SORCS1: variants seen among roughly 807,000 people sequenced by gnomAD.
The protein encoded by SORCS1 is sortilin related VPS10 domain containing receptor 1.
SORCS1 carries 60 observed loss-of-function variants against 146.1 expected under a neutral mutation model. That is an observed-to-expected ratio of 0.41 (90% CI 0.33 to 0.51). The LOEUF (loss-of-function observed/expected upper bound fraction) is 0.51, where lower values mean the gene tolerates loss of function less well. SORCS1 is among the 20% of genes least tolerant of loss of function. The pLI, the probability that SORCS1 is intolerant of heterozygous loss-of-function variation, is 0.21. For missense variants in SORCS1, 1,352 were observed against 1,487.6 expected (o/e 0.91, Z 1.50); for synonymous variants, 637 against 584.0 (o/e 1.09, Z -1.31).
At chr10:106,694,253 G>A (rs1853523952) in intron 9 of SORCS1, among the ~76,000 whole-genome samples, 2 of 152,088 alleles carry the variant, frequency 1.3e-5, no homozygotes, top group Admixed American at 1.3e-4. Context: ...TGAAATAATA[G>A]TACATTCTTT....
chr10:106,994,098 A>C (rs916317134), intron 1 of SORCS1, among the ~76,000 whole-genome samples: 11 of 150,876 alleles, frequency 7.3e-5, no homozygotes, highest in African/African-American at 2.7e-4. Context: ...GAAAATGAGA[A>C]GCAAACAAAT....
intron 1 of SORCS1, among the ~76,000 whole-genome samples, chr10:107,080,331 C>T (rs1163970747): frequency 6.6e-6 from 1 of 152,154 alleles, no homozygotes; most frequent in Non-Finnish European, 1.5e-5. Context: ...CTGTCTGCAA[C>T]CTATAGGCAA....
intron 10 of SORCS1, among the ~76,000 whole-genome samples, chr10:106,681,818 C>T (rs821927): frequency 0.79 from 120,550 of 152,148 alleles, 50,430 homozygotes; most frequent in Non-Finnish European, 0.94. Flanking sequence ...TGGTAAGGGG[C>T]AGTTGCCATT....
intron 1 of SORCS1, among the ~76,000 whole-genome samples, chr10:107,092,464 G>T (rs952574355): frequency 3.3e-5 from 5 of 152,194 alleles, no homozygotes. Flanking sequence ...ACACACTTAA[G>T]TGCTGAATGC....
chr10:106,602,594 C>T (rs923503524), intron 23 of SORCS1, among the ~76,000 whole-genome samples: 1 of 150,916 alleles, frequency 6.6e-6, no homozygotes, highest in African/African-American at 2.4e-5. Context: ...CCTAAGGGGT[C>T]TCCTGGATAA....
chr10:106,734,801 C>A lies in SORCS1; in HGVS notation c.960-4687G>T, dbSNP rs188904870. The stretch of plus-strand genomic sequence containing the variant: ...GAAATACAGTTAATTTATTTCTTCT[C>A]TTTTTCCCCCTTTTTATTTCAAGAA... On this transcript the variant is annotated intron_variant, in intron 5 of 25. Coordinates refer to ENST00000263054, the MANE Select transcript of SORCS1 (RefSeq NM_052918.5). Among the ~76,000 whole-genome samples, 8 of 152,254 alleles carry A rather than the reference C, an allele frequency of 5.3e-5. No individual in the cohort carries two copies. In the East Asian group the frequency reaches 1.2e-3, roughly 22 times the overall value.
chr10:106,949,412 G>C (rs1954556134), intron 2 of SORCS1, among the ~76,000 whole-genome samples: 1 of 152,132 alleles, frequency 6.6e-6, no homozygotes, highest in African/African-American at 2.4e-5. Context: ...CTCACTCACA[G>C]GGCTTGCAGA....
intron 18 of SORCS1, among the ~76,000 whole-genome samples, chr10:106,630,458 T>C (rs555957710): frequency 6.6e-6 from 1 of 152,292 alleles, no homozygotes; most frequent in Non-Finnish European, 1.5e-5. Context: ...CCTGGTATTC[T>C]AACTCACCTT....
intron 2 of SORCS1, among the ~76,000 whole-genome samples, chr10:106,920,194 A>G (rs926632576): frequency 6.6e-6 from 1 of 152,182 alleles, no homozygotes; most frequent in Non-Finnish European, 1.5e-5. Flanking sequence ...GCAGGGAGCC[A>G]CCGCCCACCC....
intron 18 of SORCS1, among the ~76,000 whole-genome samples, chr10:106,638,331 A>G (rs1046012646): frequency 6.6e-6 from 1 of 152,206 alleles, no homozygotes; most frequent in Non-Finnish European, 1.5e-5. Context: ...ATAAATCTCT[A>G]TAGAACCAGG....
At chr10:106,753,425 A>G (rs1858404948) in intron 5 of SORCS1, among the ~76,000 whole-genome samples, 1 of 152,134 alleles carries the variant, frequency 6.6e-6, no homozygotes, top group Non-Finnish European at 1.5e-5. Context: ...GTGTGTATAT[A>G]ACAAACTATC....
intron 2 of SORCS1, among the ~76,000 whole-genome samples, chr10:106,843,623 G>C (rs760300293): frequency 1.4e-4 from 22 of 151,982 alleles, no homozygotes; most frequent in Non-Finnish European, 2.9e-4. Flanking sequence ...TTTTAGTAGA[G>C]ACGGGATTTC....
chr10:106,989,680 GTTTTTTTT>G (rs761689988), intron 1 of SORCS1, among the ~76,000 whole-genome samples: 5 of 70,360 alleles, frequency 7.1e-5, no homozygotes, highest in Admixed American at 1.3e-4. Flanking sequence ...GTTTTTTTTT[GTTTTTTTT>G]TTTTTTTTTT....
At chr10:106,730,454 C>T (rs1856515242) in intron 5 of SORCS1, among the ~76,000 whole-genome samples, 1 of 152,204 alleles carries the variant, frequency 6.6e-6, no homozygotes, top group Admixed American at 6.5e-5. Flanking sequence ...ACTTATTAGG[C>T]AGGCATGCTG....
At chr10:106,973,976 G>A (rs1432281545) in intron 1 of SORCS1, among the ~76,000 whole-genome samples, 1 of 152,180 alleles carries the variant, frequency 6.6e-6, no homozygotes, top group African/African-American at 2.4e-5. Context: ...TGCAAAACAG[G>A]AATTTGTTTG....
intron 1 of SORCS1, among the ~76,000 whole-genome samples, chr10:107,085,819 A>G (rs562091335): frequency 6.6e-6 from 1 of 152,330 alleles, no homozygotes; most frequent in South Asian, 2.1e-4. Flanking sequence ...AGAGTAGACA[A>G]TGAGCATTTT....
rs114698140 is a variant in SORCS1 at position 107,093,951 on chromosome 10, C to T, written c.558+70018G>A. On this transcript the variant is annotated intron_variant, in intron 1 of 25. Transcript: ENST00000263054. ...TTACTCACCATTCCTATGCCTGGAC[C>T]GCTATCCCCCAGAAGCACACATAGC... is the stretch of plus-strand genomic sequence containing the variant. Among the ~76,000 whole-genome samples the T allele has an allele frequency of 5.8e-3, 887 of 152,166 alleles. 8 individuals are homozygous for T. The highest frequency in any genetic ancestry group is 0.02 in the African/African-American group (829 of 41,512).
chr10:106,893,829 G>T (rs12241863), intron 2 of SORCS1, among the ~76,000 whole-genome samples: 51,054 of 151,994 alleles, frequency 0.34, 9,187 homozygotes, highest in Non-Finnish European at 0.41. Context: ...TATCCCTCCA[G>T]CTCTTCGGGC....
intron 10 of SORCS1, among the ~76,000 whole-genome samples, chr10:106,681,164 A>T (rs1852407697): frequency 6.6e-6 from 1 of 152,204 alleles, no homozygotes; most frequent in Non-Finnish European, 1.5e-5. Flanking sequence ...CAAGAGGAAG[A>T]CTAGAACAGA....
Sources: gnomAD v4.1 joint callset for allele counts (sites outside exome capture counted in the v4.1 genomes callset) on GRCh38, gnomAD v4.1.1 for gene constraint, MANE v1.5 for transcripts, NCBI Gene and HGNC (gene_info 2026-07-23, HGNC 2026-07-21) for gene names.